Variants in CSMD3 observed in about 807,000 individuals in gnomAD.
The protein encoded by CSMD3 is CUB and Sushi multiple domains 3.
CSMD3 carries 177 observed loss-of-function variants against 435.2 expected under a neutral mutation model. The ratio of observed to expected loss-of-function variants is 0.41; its 90% confidence interval spans 0.36 to 0.46. The LOEUF (loss-of-function observed/expected upper bound fraction) is 0.46, where lower values mean the gene tolerates loss of function less well. Among genes scored for constraint, CSMD3 ranks in the 20% least tolerant of loss-of-function variants. CSMD3 has a pLI of 0.34. For missense variants in CSMD3, 4,265 were observed against 4,504.6 expected (o/e 0.95, Z 1.52); for synonymous variants, 1,656 against 1,520.5 (o/e 1.09, Z -2.07).
At chr8:113,073,032 G>GAA (rs56882045) in intron 5 of CSMD3, among the ~76,000 whole-genome samples, 109 of 149,896 alleles carry the variant, frequency 7.3e-4, no homozygotes, top group African/African-American at 2.2e-3. Context: ...AAAACCTTCA[G>GAA]AAAAAAAAAT....
intron 22 of CSMD3, among the ~76,000 whole-genome samples, chr8:112,628,991 T>C (rs1037582496): frequency 3.9e-5 from 6 of 152,146 alleles, no homozygotes; most frequent in African/African-American, 1.2e-4. Flanking sequence ...CACAGGAGGT[T>C]CTTTCTGACT....
chr8:113,301,053 G>A (rs2093762281), intron 2 of CSMD3, among the ~76,000 whole-genome samples: 1 of 151,412 alleles, frequency 6.6e-6, no homozygotes, highest in South Asian at 2.1e-4. Flanking sequence ...ATGTTGCTTA[G>A]GGATGTTCAT....
At chr8:113,263,684 C>T (rs886686637) in intron 3 of CSMD3, among the ~76,000 whole-genome samples, 3 of 151,732 alleles carry the variant, frequency 2.0e-5, no homozygotes, top group Admixed American at 6.6e-5. Context: ...CATTAAAATT[C>T]ACTTGAACAT....
At chr8:112,643,910 C>T (rs1046647423) in intron 20 of CSMD3, among the ~76,000 whole-genome samples, 2 of 151,894 alleles carry the variant, frequency 1.3e-5, no homozygotes, top group Admixed American at 6.6e-5. Flanking sequence ...TCTGAAAACG[C>T]AAATTTAAAT....
intron 3 of CSMD3, among the ~76,000 whole-genome samples, chr8:113,256,249 T>C (rs184548009): frequency 3.0e-3 from 464 of 152,322 alleles, no homozygotes; most frequent in African/African-American, 0.011. Flanking sequence ...AGTCATTAGA[T>C]AATATAGTTC....
chr8:112,319,771 A>G (rs910579694), intron 46 of CSMD3, 130 bp downstream of exon 46: 4 of 734,618 alleles, frequency 5.4e-6, no homozygotes, highest in Non-Finnish European at 9.9e-6. Flanking sequence ...TAAAAATTCT[A>G]AATAATCTCT....
chr8:112,872,449 G>A (rs1203177905), intron 10 of CSMD3, among the ~76,000 whole-genome samples: 1 of 152,010 alleles, frequency 6.6e-6, no homozygotes, highest in African/African-American at 2.4e-5. Flanking sequence ...AAATCAGCAA[G>A]AAGCAGACTG....
intron 13 of CSMD3, among the ~76,000 whole-genome samples, chr8:112,707,262 A>T (rs2131900658): frequency 6.6e-6 from 1 of 152,220 alleles, no homozygotes; most frequent in African/African-American, 2.4e-5. Flanking sequence ...TAAGAAGGAT[A>T]AACCACTCTT....
At chr8:113,290,385 G>GT (rs2093677994) in intron 2 of CSMD3, among the ~76,000 whole-genome samples, 1 of 151,608 alleles carries the variant, frequency 6.6e-6, no homozygotes, top group South Asian at 2.1e-4. Context: ...TTTTGATTCT[G>GT]TTTTTAAGTC....
intron 10 of CSMD3, among the ~76,000 whole-genome samples, chr8:112,895,504 G>A (rs2081925045): frequency 6.6e-6 from 1 of 151,224 alleles, no homozygotes; most frequent in Non-Finnish European, 1.5e-5. Context: ...TTCTGAGTAA[G>A]GCTGAAAAAT....
At chr8:112,306,284 A>C (rs1821414948) in intron 50 of CSMD3, 92 bp from the exon 51 acceptor site, 1 of 908,302 alleles carries the variant, frequency 1.1e-6, no homozygotes, top group Admixed American at 2.0e-5. Context: ...ATGCAAAACT[A>C]ACGGGGATTT....
At chr8:112,556,680 A>T in intron 25 of CSMD3, 83 bp downstream of exon 25, 1 of 1,091,838 alleles carries the variant, frequency 9.2e-7, no homozygotes, top group Non-Finnish European at 1.4e-6. Context: ...TTCTATGAGG[A>T]CAGAAAGAAT....
At chr8:113,273,384 C>T (rs1401507313) in intron 3 of CSMD3, among the ~76,000 whole-genome samples, 1 of 151,750 alleles carries the variant, frequency 6.6e-6, no homozygotes, top group Non-Finnish European at 1.5e-5. Context: ...GTTTCAGTTA[C>T]CATTGATAAC....
chr8:113,107,053 G>T (rs921481471), intron 4 of CSMD3, among the ~76,000 whole-genome samples: 1 of 152,006 alleles, frequency 6.6e-6, no homozygotes, highest in African/African-American at 2.4e-5. Context: ...TTCCCCCTGG[G>T]CCTTAGACAA....
chr8:112,954,905 T>G (rs1321893518), intron 7 of CSMD3, 144 bp from the exon 8 acceptor site: 10 of 620,734 alleles, frequency 1.6e-5, no homozygotes, highest in Admixed American at 5.5e-5. Flanking sequence ...AAGAATTTTT[T>G]TTAAAGCAAT....
At chr8:112,465,799 A>G (rs1048453589) in intron 32 of CSMD3, among the ~76,000 whole-genome samples, 1 of 151,972 alleles carries the variant, frequency 6.6e-6, no homozygotes, top group Non-Finnish European at 1.5e-5. Flanking sequence ...ACATGGTGAA[A>G]CCTCATCTCT....
chr8:113,082,840 G>A (rs1479735977), intron 5 of CSMD3, among the ~76,000 whole-genome samples: 1 of 152,026 alleles, frequency 6.6e-6, no homozygotes, highest in South Asian at 2.1e-4. Context: ...CAATAGATTA[G>A]ATCAAGCAGG....
intron 38 of CSMD3, among the ~76,000 whole-genome samples, chr8:112,372,080 A>C (rs533175012): frequency 6.6e-6 from 1 of 152,082 alleles, no homozygotes; most frequent in Non-Finnish European, 1.5e-5. Flanking sequence ...GGGATAAAAA[A>C]GTTCACAAAT....
intron 11 of CSMD3, among the ~76,000 whole-genome samples, chr8:112,837,312 C>G (rs2080054992): frequency 6.6e-6 from 1 of 151,550 alleles, no homozygotes; most frequent in African/African-American, 2.4e-5. Flanking sequence ...TTCAAATTAG[C>G]CTTTGATGAT....
Sources: gnomAD v4.1 joint callset for allele counts (sites outside exome capture counted in the v4.1 genomes callset) on GRCh38, gnomAD v4.1.1 for gene constraint, MANE v1.5 for transcripts, NCBI Gene and HGNC (gene_info 2026-07-23, HGNC 2026-07-21) for gene names.